The following HOXD1 variants were observed in gnomAD, a reference collection of about 807,000 sequenced individuals.
HOXD1 encodes the protein homeobox protein Hox-D1.
In HOXD1, 17 loss-of-function variants were observed where a neutral mutation model predicts 19.9. The ratio of observed to expected loss-of-function variants is 0.85; its 90% confidence interval spans 0.58 to 1.28. The LOEUF is 1.28. Among genes scored for constraint, HOXD1 ranks in the 50% most tolerant of loss-of-function variants. The pLI is 0.00. For synonymous variants in HOXD1, 239 were observed against 216.0 expected, an observed-to-expected ratio of 1.11 and a Z score of -0.93; for missense variants, 500 against 460.1, an observed-to-expected ratio of 1.09 and a Z score of -0.79.
At chr2:176,189,584 C>T in intron 1 of HOXD1, 131 bp downstream of exon 1, 1 of 1,572,134 alleles carries the variant, frequency 6.4e-7, no homozygotes, top group East Asian at 2.4e-5. Context: ...GACGCGTTCC[C>T]GGGCGAATTC....
Position 176,190,355 on chromosome 2 carries a change from A to T in HOXD1, c.*213A>T. The T allele has an allele frequency of 1.8e-6, 1 of 548,434 alleles. No individual in the cohort carries two copies. The highest frequency in any genetic ancestry group is 3.2e-6 in the Non-Finnish European group (1 of 312,448). The allele number at this position is 548,434 out of a possible 1,614,324, so 34.0% of individuals were successfully genotyped here. A position where few individuals can be genotyped will look rare whatever the true frequency, so the allele number is the denominator to read the frequency against. On this transcript the variant is annotated 3_prime_UTR_variant, in exon 2 of 2. Transcript: ENST00000331462. Reference sequence around the variant, plus strand: ...TGTCTTGTAAGCCACTTGTTTGGTTATGATTTGTGTCTTATCAGGGAAAAG... The same window carrying T: ...TGTCTTGTAAGCCACTTGTTTGGTTTTGATTTGTGTCTTATCAGGGAAAAG...
Position 176,189,916 on chromosome 2 carries a change from T to TA in HOXD1, c.763dup (p.Thr255AsnfsTer16), listed in dbSNP as rs752229856. ...AAAGAGTTTCATTTCAATAAGTACT[T>TA]AACTCGAGCCCGGCGCATCGAGATA... On this transcript the variant is annotated frameshift_variant, in exon 2 of 2. Transcript: ENST00000331462. LOFTEE classifies it high-confidence loss of function. 3.1e-6 allele frequency: 5 copies of TA among 1,614,058 alleles called. No individual in the cohort carries two copies. Among genetic ancestry groups the TA allele is most frequent in the Non-Finnish European group, 4.2e-6 (5 of 1,180,004 alleles).
chr2:176,189,479 C>T, intron 1 of HOXD1, 26 bp downstream of exon 1: 1 of 1,612,008 alleles, frequency 6.2e-7, no homozygotes, highest in Non-Finnish European at 8.5e-7. Context: ...TTGGATGGGG[C>T]CACCTGGGGT....
Position 176,189,183 on chromosome 2 carries a change from G to A in HOXD1, c.382G>A (p.Gly128Ser), listed in dbSNP as rs1346446468. 12 of 1,568,704 alleles carry A rather than the reference G, an allele frequency of 7.6e-6. No individual in the cohort carries two copies. In the African/African-American group the frequency reaches 1.3e-4, roughly 18 times the overall value. Residue 128 changes from glycine to serine, a missense_variant, in exon 1 of 2, where the codon GGC becomes AGC. Transcript: ENST00000331462. ...PGVLGRAADD[G>S]GSHVHYATSA... ...CGTGCTGGGGCGGGCGGCCGACGAC[G>A]GCGGGTCTCACGTCCACTACGCCAC...
At position 176,189,807 on chromosome 2, in the gene HOXD1, G is replaced by A; in HGVS notation, c.653-1G>A. 6.2e-7 allele frequency: 1 copy of A among 1,613,236 alleles called. No individual in the cohort carries two copies. Among genetic ancestry groups the A allele is most frequent in the Non-Finnish European group, 8.5e-7 (1 of 1,179,386 alleles). ...GCTGACGCCCTGTCTTTACGTTGCA[G>A]GCAAACTCGCCGAGTATGGGGCCGC... is the stretch of plus-strand genomic sequence containing the variant. On this transcript the variant is annotated splice_acceptor_variant, in intron 1 of 1. Transcript: ENST00000331462. LOFTEE classifies it high-confidence loss of function.
rs1691771674 is a variant in HOXD1 at position 176,190,421 on chromosome 2, C to T, written c.*279C>T. On this transcript the variant is annotated 3_prime_UTR_variant, in exon 2 of 2. Coordinates refer to ENST00000331462, the MANE Select transcript of HOXD1 (RefSeq NM_024501.3). Reference sequence around the variant, plus strand: ...CCCAGCTCCGCTGCTATCTTTGCCTCACTTAGTCATGTGCAATTCGCGTTG... The same window carrying T: ...CCCAGCTCCGCTGCTATCTTTGCCTTACTTAGTCATGTGCAATTCGCGTTG... 2.2e-6 allele frequency: 1 copy of T among 459,950 alleles called. No homozygotes were observed. Among genetic ancestry groups the T allele is most frequent in the Admixed American group, 3.9e-5 (1 of 25,580 alleles). 28.5% of individuals were successfully genotyped at this position (459,950 alleles called of 1,614,324 possible).
In HOXD1 at chr2:176,190,071, C is replaced by A; in HGVS notation, c.916C>A (p.Leu306Ile). 6.2e-6 allele frequency: 10 copies of A among 1,614,008 alleles called. No homozygotes were observed. Among genetic ancestry groups the A allele is most frequent in the Non-Finnish European group, 8.5e-6 (10 of 1,179,912 alleles). The part of the protein sequence containing the change: ...AIPVAPLQLP[L>I]SGTTPTKFIK... ...TCCTGTGGCTCCCCTCCAACTTCCCCTCTCTGGAACAACCCCCACTAAGTT... is the reference window on the plus strand; with the variant it reads ...TCCTGTGGCTCCCCTCCAACTTCCCATCTCTGGAACAACCCCCACTAAGTT... Residue 306 changes from leucine to isoleucine, a missense_variant, in exon 2 of 2, where the codon CTC becomes ATC. Leu to Ile is a conservative substitution (Grantham distance 5, BLOSUM62 2). Transcript: ENST00000331462.
Position 176,189,914 on chromosome 2 carries a change from C to T in HOXD1, c.759C>T (p.Tyr253=). ...ELEKEFHFNK[Y]LTRARRIEIA... ...AAAAAGAGTTTCATTTCAATAAGTA[C>T]TTAACTCGAGCCCGGCGCATCGAGA... The change falls in exon 2 of 2, where the codon TAC becomes TAT. Residue 253 remains tyrosine (Y), a synonymous_variant. Coordinates refer to ENST00000331462, the MANE Select transcript of HOXD1 (RefSeq NM_024501.3). 1.2e-6 allele frequency: 2 copies of T among 1,614,170 alleles called. No individual in the cohort carries two copies. The highest frequency in any genetic ancestry group is 1.7e-6 in the Non-Finnish European group (2 of 1,180,018).
chr2:176,188,958 T>A lies in HOXD1; in HGVS notation c.157T>A (p.Cys53Ser). The change falls in exon 1 of 2, where the codon TGT (cysteine) becomes AGT (serine). Residue 53 changes from cysteine to serine, a missense_variant. Cys to Ser is a moderately radical substitution (Grantham distance 112). Transcript: ENST00000331462. The stretch of plus-strand genomic sequence containing the variant: ...CAACGGCGACGGCGCCTTCGTCAGC[T>A]GTCTGCCCCTGGCCGCCGCCCGACC... ...LGNGDGAFVS[C>S]LPLAAARPSP... The A allele has an allele frequency of 6.6e-7, 1 of 1,518,216 alleles. No homozygotes were observed. Among genetic ancestry groups the A allele is most frequent in the South Asian group, 1.2e-5 (1 of 81,914 alleles). The allele number at this position is 1,518,216 out of a possible 1,614,324, so 94.0% of individuals were successfully genotyped here. A position where few individuals can be genotyped will look rare whatever the true frequency, so the allele number is the denominator to read the frequency against.
In HOXD1 at chr2:176,188,708, C is replaced by A; in HGVS notation, c.-94C>A. 7.6e-7 allele frequency: 1 copy of A among 1,324,198 alleles called. No individual in the cohort carries two copies. Among genetic ancestry groups the A allele is most frequent in the Non-Finnish European group, 1.1e-6 (1 of 945,682 alleles). The allele number at this position is 1,324,198 out of a possible 1,614,324, so 82.0% of individuals were successfully genotyped here. A position where few individuals can be genotyped will look rare whatever the true frequency, so the allele number is the denominator to read the frequency against. On this transcript the variant is annotated 5_prime_UTR_variant, in exon 1 of 2. Coordinates refer to ENST00000331462, the MANE Select transcript of HOXD1 (RefSeq NM_024501.3). The stretch of plus-strand genomic sequence containing the variant: ...GGGCAGCTCGGGTAGAGAGGGCTGG[C>A]GGAGCGGCGCAGACGGCGGCAGTCC...
chr2:176,189,829 C>T lies in HOXD1; in HGVS notation c.674C>T (p.Ala225Val), dbSNP rs1191810851. The T allele has an allele frequency of 1.2e-6, 2 of 1,614,008 alleles. No homozygotes were observed. The highest frequency in any genetic ancestry group is 1.1e-5 in the South Asian group (1 of 91,076). The change falls in exon 2 of 2, where the codon GCC becomes GTC. Residue 225 changes from alanine (A) to valine (V), a missense_variant. Coordinates refer to ENST00000331462, the MANE Select transcript of HOXD1 (RefSeq NM_024501.3). ...SKKGKLAEYG[A>V]ASPSSAIRTN... Reference sequence around the variant, plus strand: ...GCAGGCAAACTCGCCGAGTATGGGGCCGCTAGCCCCTCCAGCGCGATCCGC... The same window carrying T: ...GCAGGCAAACTCGCCGAGTATGGGGTCGCTAGCCCCTCCAGCGCGATCCGC...
chr2:176,189,065 G>A lies in HOXD1; in HGVS notation c.264G>A (p.Glu88=), dbSNP rs769233344. The A allele has an allele frequency of 3.3e-5, 49 of 1,479,056 alleles. No homozygotes were observed. The highest frequency in any genetic ancestry group is 4.2e-5 in the Non-Finnish European group (47 of 1,124,826). The allele number at this position is 1,479,056 out of a possible 1,614,324, so 91.6% of individuals were successfully genotyped here. A position where few individuals can be genotyped will look rare whatever the true frequency, so the allele number is the denominator to read the frequency against. The change falls in exon 1 of 2, where the codon GAG becomes GAA. Residue 88 remains glutamate (E), a synonymous_variant. Coordinates refer to ENST00000331462, the MANE Select transcript of HOXD1 (RefSeq NM_024501.3). ...AAPQYAQCTL[E]GAYEPGAAPA... ...CCCAGTACGCGCAGTGCACCCTGGA[G>A]GGGGCCTACGAACCTGGTGCCGCAC...
In HOXD1 at chr2:176,189,459, T is replaced by G. The variant is rs1691746002; in HGVS notation, c.652+6T>G. The G allele has an allele frequency of 1.9e-6, 3 of 1,611,720 alleles. No individual in the cohort carries two copies. The highest frequency in any genetic ancestry group is 2.5e-6 in the Non-Finnish European group (3 of 1,179,078). ...GAGGAATGCCTCTAAGAAAGGTAAG[T>G]CCGCGGGCCTTGGATGGGGCCACCT... On this transcript the variant is annotated splice_donor_region_variant and intron_variant, in intron 1 of 1. Coordinates refer to ENST00000331462, the MANE Select transcript of HOXD1 (RefSeq NM_024501.3).
In HOXD1 at chr2:176,189,440, T is replaced by G; in HGVS notation, c.639T>G (p.Asn213Lys). The G allele has an allele frequency of 6.2e-7, 1 of 1,612,184 alleles. No homozygotes were observed. The highest frequency in any genetic ancestry group is 8.5e-7 in the Non-Finnish European group (1 of 1,179,342). Reference sequence around the variant, plus strand: ...TCGAGTGGATGAAAGTGAAGAGGAATGCCTCTAAGAAAGGTAAGTCCGCGG... The same window carrying G: ...TCGAGTGGATGAAAGTGAAGAGGAAGGCCTCTAAGAAAGGTAAGTCCGCGG... ...STFEWMKVKRNASKKGKLAEY... is the reference protein window; with the variant it reads ...STFEWMKVKRKASKKGKLAEY... The change falls in exon 1 of 2, where the codon AAT (asparagine) becomes AAG (lysine). Residue 213 changes from asparagine to lysine, a missense_variant. Transcript: ENST00000331462.
rs1691777348 is a variant in HOXD1 at position 176,190,670 on chromosome 2, C to T, written c.*528C>T. The stretch of plus-strand genomic sequence containing the variant: ...TTTTTCTTTAAAAAAGCGGTTTCTA[C>T]CTCTCTATGTGCCTGAGTGATGATA... On this transcript the variant is annotated 3_prime_UTR_variant, in exon 2 of 2. Transcript: ENST00000331462. 6.5e-6 allele frequency: 1 copy of T among 152,948 alleles called. No individual in the cohort carries two copies. The allele number at this position is 152,948 out of a possible 1,614,324, so 9.5% of individuals were successfully genotyped here.
In HOXD1 at chr2:176,189,396, C is replaced by T; in HGVS notation, c.595C>T (p.Pro199Ser). 6.2e-7 allele frequency: 1 copy of T among 1,613,288 alleles called. No individual in the cohort carries two copies. Among genetic ancestry groups the T allele is most frequent in the Admixed American group, 1.7e-5 (1 of 60,022 alleles). ...GTCCGTCTCTCCCGCCTCCGGCCTCCCTGCCGCCTTCAGCACGTTCGAGTG... is the reference window on the plus strand; with the variant it reads ...GTCCGTCTCTCCCGCCTCCGGCCTCTCTGCCGCCTTCAGCACGTTCGAGTG... ...PKSVSPASGL[P>S]AAFSTFEWMK... Residue 199 changes from proline to serine, a missense_variant, in exon 1 of 2, where the codon CCT becomes TCT. Physicochemically the swap from Pro to Ser is moderately conservative, Grantham distance 74 (BLOSUM62 -1). Coordinates refer to ENST00000331462, the MANE Select transcript of HOXD1 (RefSeq NM_024501.3).
rs144229443 is a variant in HOXD1, at chr2:176,189,907, A to G, written c.752A>G (p.Asn251Ser). ...LTELEKEFHF[N>S]KYLTRARRIE... ...GAACTGGAAAAAGAGTTTCATTTCA[A>G]TAAGTACTTAACTCGAGCCCGGCGC... The change falls in exon 2 of 2, where the codon AAT becomes AGT. Residue 251 changes from asparagine to serine, a missense_variant. Physicochemically the swap from Asn to Ser is conservative, Grantham distance 46. Coordinates refer to ENST00000331462, the MANE Select transcript of HOXD1 (RefSeq NM_024501.3). The G allele has an allele frequency of 5.6e-5, 91 of 1,614,088 alleles. No homozygotes were observed. Among genetic ancestry groups the G allele is most frequent in the Admixed American group, 1.7e-4 (10 of 60,010 alleles).
chr2:176,190,183 C>G lies in HOXD1; in HGVS notation c.*41C>G. The stretch of plus-strand genomic sequence containing the variant: ...CCGAAAAACTGTGGCCTGCAGAAGT[C>G]CCAGGCGACCCCCATCCCTATCTAG... On this transcript the variant is annotated 3_prime_UTR_variant, in exon 2 of 2. Transcript: ENST00000331462. The G allele has an allele frequency of 3.7e-6, 5 of 1,344,478 alleles. 1 individual carries two copies. The South Asian group carries it at 6.8e-5, about 18-fold the overall frequency. 83.3% of individuals were successfully genotyped at this position (1,344,478 alleles called of 1,614,324 possible).
In HOXD1 at chr2:176,190,700, C is replaced by T. The variant is rs1691778535; in HGVS notation, c.*558C>T. On this transcript the variant is annotated 3_prime_UTR_variant, in exon 2 of 2. Transcript: ENST00000331462. ...CTATGTGCCTGAGTGATGATACAATCGCTGTTTAGTTACTAGATGAACAAA... is the reference window on the plus strand; with the variant it reads ...CTATGTGCCTGAGTGATGATACAATTGCTGTTTAGTTACTAGATGAACAAA... The T allele has an allele frequency of 6.6e-6, 1 of 152,466 alleles. No homozygotes were observed. The highest frequency in any genetic ancestry group is 2.4e-5 in the African/African-American group (1 of 41,334). The allele number at this position is 152,466 out of a possible 1,614,324, so 9.4% of individuals were successfully genotyped here.
Sources: allele counts gnomAD v4.1 joint callset, GRCh38; gene constraint gnomAD v4.1.1; transcripts MANE v1.5; gene names NCBI Gene and HGNC (gene_info 2026-07-23, HGNC 2026-07-21).